DAB1: variants seen among roughly 807,000 people sequenced by gnomAD.
DAB1 encodes the protein disabled homolog 1.
In DAB1, 15 loss-of-function variants were observed where a neutral mutation model predicts 64.6. The observed-to-expected ratio is 0.23, with a 90% confidence interval of 0.16 to 0.36. The LOEUF (loss-of-function observed/expected upper bound fraction) is 0.36, where lower values mean the gene tolerates loss of function less well. Ranked by LOEUF, DAB1 falls within the 10% of genes least tolerant of loss-of-function variation. The probability of loss-of-function intolerance (pLI) is 1.00; values close to 1 mark genes in which losing one functional copy is unlikely to be tolerated. For missense variants in DAB1, 596 were observed against 706.7 expected, an observed-to-expected ratio of 0.84 and a Z score of 1.78; for synonymous variants, 235 against 251.9, an observed-to-expected ratio of 0.93 and a Z score of 0.64.
intron 7 of DAB1, among the ~76,000 whole-genome samples, chr1:57,484,786 A>G (rs1396147535): frequency 1.3e-5 from 2 of 152,146 alleles, no homozygotes; most frequent in Non-Finnish European, 2.9e-5. Flanking sequence ...TTGTAATTCC[A>G]AGTTTTATTT....
chr1:58,346,912 A>G (rs1167745209), intron 3 of DAB1, among the ~76,000 whole-genome samples: 2 of 152,224 alleles, frequency 1.3e-5, no homozygotes, highest in East Asian at 3.9e-4. Flanking sequence ...TCAGATTGCA[A>G]TTCAAACTTG....
intron 4 of DAB1, among the ~76,000 whole-genome samples, chr1:58,283,168 C>G (rs1362878892): frequency 6.7e-6 from 1 of 149,378 alleles, no homozygotes; most frequent in African/African-American, 2.5e-5. Context: ...CTCTCTTGTT[C>G]TCATTCTCAG....
chr1:57,364,192 C>A (rs1679781980), intron 1 of DAB1, among the ~76,000 whole-genome samples: 1 of 152,074 alleles, frequency 6.6e-6, no homozygotes, highest in South Asian at 2.1e-4. Context: ...TGGGACAGGG[C>A]CCAAGAGAAG....
chr1:58,204,462 TGA>T (rs767809656), intron 4 of DAB1, among the ~76,000 whole-genome samples: 2 of 152,116 alleles, frequency 1.3e-5, no homozygotes, highest in East Asian at 1.9e-4. Flanking sequence ...GTGGCTTACT[TGA>T]GAGGTGTTCC....
chr1:57,134,613 C>A (rs907104429), intron 4 of DAB1, among the ~76,000 whole-genome samples: 11 of 151,570 alleles, frequency 7.3e-5, no homozygotes, highest in African/African-American at 2.2e-4. Context: ...TACAACAAAC[C>A]CTGTGACACA....
At position 57,951,334 on chromosome 1, in the gene DAB1, T is replaced by TATATATATATATATC. The variant is rs1219655257; in HGVS notation, n.388-67173_388-67172insGATATATATATATAT. ...GCCTGATTCATATATATATATATAC[T>TATATATATATATATC]TCCCTGGAAACTTAAATTAGCCCAA... On this transcript the variant is annotated intron_variant and non_coding_transcript_variant, in intron 5 of 20. Transcript: ENST00000485760. Among the ~76,000 whole-genome samples the TATATATATATATATC allele has an allele frequency of 1.3e-3, 82 of 63,824 alleles. 12 individuals are homozygous for TATATATATATATATC. The highest frequency in any genetic ancestry group is 2.0e-3 in the Non-Finnish European group (54 of 27,298). The allele number at this position is 63,824 out of a possible 152,430, so 41.9% of individuals were successfully genotyped here. A position where few individuals can be genotyped will look rare whatever the true frequency, so the allele number is the denominator to read the frequency against.
In DAB1 at chr1:58,071,402, GT is replaced by G. The variant is rs1201987498; in HGVS notation, n.387+79108del. On this transcript the variant is annotated intron_variant and non_coding_transcript_variant, in intron 5 of 20. Transcript: ENST00000485760. ...TGTGTGTGTGTGTGTGTGTGTGTGT[GT>G]GTGGGTGGGGAGAGACTGAAGTTCC... is the stretch of plus-strand genomic sequence containing the variant. The G allele has an allele frequency of 1.3e-3, 198 of 155,960 alleles. 1 individual carries two copies. The highest frequency in any genetic ancestry group is 4.0e-3 in the African/African-American group (163 of 40,520). The allele number at this position is 155,960 out of a possible 1,614,324, so 9.7% of individuals were successfully genotyped here.
chr1:58,420,528 C>A (rs1644761884), intron 3 of DAB1, among the ~76,000 whole-genome samples: 1 of 152,206 alleles, frequency 6.6e-6, no homozygotes, highest in Admixed American at 6.5e-5. Context: ...ACAGACAATG[C>A]TCACTACAAG....
intron 1 of DAB1, among the ~76,000 whole-genome samples, chr1:57,377,206 G>A (rs1680969428): frequency 6.6e-6 from 1 of 151,898 alleles, no homozygotes; most frequent in Non-Finnish European, 1.5e-5. Context: ...GGAGGTGGAG[G>A]TTGCAGTGAG....
intron 4 of DAB1, among the ~76,000 whole-genome samples, chr1:58,234,387 G>A (rs529636128): frequency 6.6e-6 from 1 of 152,344 alleles, no homozygotes; most frequent in Admixed American, 6.5e-5. Flanking sequence ...GAAAAATGCA[G>A]GATGCTCAGA....
intron 5 of DAB1, among the ~76,000 whole-genome samples, chr1:58,120,029 G>T (rs998057006): frequency 1.3e-5 from 2 of 152,082 alleles, no homozygotes; most frequent in African/African-American, 4.8e-5. Flanking sequence ...TCTCCATCCT[G>T]ATTGCTGGTC....
At chr1:58,071,507 G>GTGTC (rs1649261968) in intron 5 of DAB1, 1 of 152,234 alleles carries the variant, frequency 6.6e-6, no homozygotes, top group East Asian at 1.9e-4. Flanking sequence ...GAAAGGCATG[G>GTGTC]TGTCATTGCT....
At chr1:57,450,121 C>T (rs12046102) in intron 7 of DAB1, among the ~76,000 whole-genome samples, 97,805 of 152,140 alleles carry the variant, frequency 0.64, 32,038 homozygotes, top group East Asian at 0.96. Flanking sequence ...GAAATCCTTT[C>T]TGTAAGGCAC....
At chr1:58,020,838 A>T (rs1010979250) in intron 5 of DAB1, among the ~76,000 whole-genome samples, 1 of 152,078 alleles carries the variant, frequency 6.6e-6, no homozygotes, top group Non-Finnish European at 1.5e-5. Context: ...CCCCATCTCT[A>T]CTAAAAATAC....
At chr1:57,842,428 A>G (rs577740892) in intron 1 of DAB1, among the ~76,000 whole-genome samples, 1 of 152,194 alleles carries the variant, frequency 6.6e-6, no homozygotes, top group Non-Finnish European at 1.5e-5. Context: ...ATTTTCAAGT[A>G]TCTTTATAGC....
chr1:58,224,870 C>A (rs1041088687), intron 4 of DAB1, among the ~76,000 whole-genome samples: 2 of 152,016 alleles, frequency 1.3e-5, no homozygotes, highest in African/African-American at 4.8e-5. Context: ...AGAAGAAAAC[C>A]TAGGCAATAC....
rs531264217 is a variant in DAB1 at position 57,025,294 on chromosome 1, C to T, written c.786+687G>A. ...GGTGTTAATTCTGTTTTCTTCTTTT[C>T]GTTTTCAAATTAGGTTCTCCCTGCA... On this transcript the variant is annotated intron_variant, in intron 10 of 14. Transcript: ENST00000371236. Among the ~76,000 whole-genome samples, 4 of 152,176 alleles carry T rather than the reference C, an allele frequency of 2.6e-5. No homozygotes were observed. The South Asian group carries it at 8.3e-4, about 32-fold the overall frequency.
intron 4 of DAB1, among the ~76,000 whole-genome samples, chr1:58,310,108 C>T (rs1343565797): frequency 6.6e-6 from 1 of 152,302 alleles, no homozygotes; most frequent in South Asian, 2.1e-4. Flanking sequence ...CATGCTCACA[C>T]ATACACACAC....
intron 1 of DAB1, chr1:57,874,064 T>C (rs1644001228): frequency 1.3e-5 from 2 of 152,134 alleles, no homozygotes; most frequent in African/African-American, 4.8e-5. Flanking sequence ...TAAACAAAGG[T>C]AGATGAGGCA....
Sources: gnomAD v4.1 joint callset for allele counts (sites outside exome capture counted in the v4.1 genomes callset) on GRCh38, gnomAD v4.1.1 for gene constraint, MANE v1.5 for transcripts, NCBI Gene and HGNC (gene_info 2026-07-23, HGNC 2026-07-21) for gene names.